NTNG1: variants seen among roughly 807,000 people sequenced by gnomAD.
NTNG1 encodes netrin G1, also known as netrin-G1.
In NTNG1, 16 loss-of-function variants were observed where a neutral mutation model predicts 54.0. That is an observed-to-expected ratio of 0.30 (90% CI 0.20 to 0.45). NTNG1 has a LOEUF of 0.45. NTNG1 is among the 20% of genes least tolerant of loss of function. NTNG1 has a pLI of 1.00. For missense variants in NTNG1, 530 were observed against 678.7 expected, an observed-to-expected ratio of 0.78 and a Z score of 2.43; for synonymous variants, 255 against 263.1, an observed-to-expected ratio of 0.97 and a Z score of 0.30.
intron 2 of NTNG1, among the ~76,000 whole-genome samples, chr1:107,202,750 A>G (rs909907491): frequency 6.6e-6 from 1 of 151,898 alleles, no homozygotes; most frequent in African/African-American, 2.4e-5. Context: ...TATCACCACA[A>G]TCAGAATTCT....
rs1656274321 is a variant in NTNG1 at position 107,171,916 on chromosome 1, G to GT, written c.246+23083dup. ...TTCCCCTTTTTTTTTGTTTTCCTTG[G>GT]TTTTTTATTTTTTATTTTTATTTTT... On this transcript the variant is annotated intron_variant, in intron 2 of 7. Transcript: ENST00000370068. Among the ~76,000 whole-genome samples the GT allele has an allele frequency of 2.6e-5, 4 of 151,796 alleles. No homozygotes were observed. The East Asian group carries it at 7.7e-4, about 29-fold the overall frequency.
At chr1:107,426,591 T>C (rs1674924080) in intron 5 of NTNG1, among the ~76,000 whole-genome samples, 1 of 152,124 alleles carries the variant, frequency 6.6e-6, no homozygotes, top group South Asian at 2.1e-4. Context: ...TAATTTGAAG[T>C]CAGGAAATGT....
chr1:107,258,185 T>A (rs41322155), intron 2 of NTNG1, among the ~76,000 whole-genome samples: 12,358 of 152,068 alleles, frequency 0.081, 588 homozygotes, highest in Middle Eastern at 0.11. Context: ...CTTACTCGGA[T>A]TATTTTTTTT....
chr1:107,238,400 A>G (rs1217037021), intron 2 of NTNG1, among the ~76,000 whole-genome samples: 1 of 152,058 alleles, frequency 6.6e-6, no homozygotes, highest in Non-Finnish European at 1.5e-5. Context: ...TGGACTGTGG[A>G]CTTTTGAGTT....
intron 2 of NTNG1, among the ~76,000 whole-genome samples, chr1:107,228,192 G>C (rs1660815179): frequency 6.6e-6 from 1 of 152,004 alleles, no homozygotes; most frequent in Admixed American, 6.6e-5. Context: ...ATGCTTCCAA[G>C]ACAAAAATAG....
At chr1:107,421,027 G>T in intron 5 of NTNG1, 1 of 1,226,440 alleles carries the variant, frequency 8.2e-7, no homozygotes, top group Non-Finnish European at 1.2e-6. Context: ...AGTTATTACA[G>T]TTTGAACGTT....
chr1:107,226,718 T>TCC (rs946495268), intron 2 of NTNG1, among the ~76,000 whole-genome samples: 3 of 152,124 alleles, frequency 2.0e-5, no homozygotes, highest in African/African-American at 7.2e-5. Flanking sequence ...ACAGAAGGAT[T>TCC]CCCTCAGTTA....
chr1:107,470,277 A>G (rs143321116), intron 7 of NTNG1, among the ~76,000 whole-genome samples: 1 of 152,362 alleles, frequency 6.6e-6, no homozygotes, highest in East Asian at 1.9e-4. Context: ...TTATTATCTA[A>G]GTAAAAGACA....
intron 2 of NTNG1, among the ~76,000 whole-genome samples, chr1:107,250,694 A>T (rs1369188272): frequency 6.6e-6 from 1 of 150,826 alleles, no homozygotes; most frequent in Non-Finnish European, 1.5e-5. Flanking sequence ...TCCTTCAGAG[A>T]TGTGTCCAGA....
At chr1:107,199,781 T>A (rs1658600363) in intron 2 of NTNG1, among the ~76,000 whole-genome samples, 1 of 151,864 alleles carries the variant, frequency 6.6e-6, no homozygotes, top group African/African-American at 2.4e-5. Context: ...CTGGTCCTCT[T>A]AAAGTAAAGT....
At chr1:107,368,136 A>G (rs943257533) in intron 3 of NTNG1, among the ~76,000 whole-genome samples, 27 of 152,008 alleles carry the variant, frequency 1.8e-4, no homozygotes, top group African/African-American at 6.3e-4. Flanking sequence ...TCATGTCCCC[A>G]TTATCTCCAG....
At chr1:107,412,867 ATGCT>A (rs1557978577) in intron 5 of NTNG1, among the ~76,000 whole-genome samples, 1 of 152,186 alleles carries the variant, frequency 6.6e-6, no homozygotes, top group Non-Finnish European at 1.5e-5. Context: ...ATTGTGAAGC[ATGCT>A]TATGCCTACT....
At chr1:107,389,358 A>G (rs980922412) in intron 3 of NTNG1, among the ~76,000 whole-genome samples, 2 of 152,168 alleles carry the variant, frequency 1.3e-5, no homozygotes, top group Non-Finnish European at 2.9e-5. Flanking sequence ...GGCTATATGG[A>G]CCTCGAGCTC....
intron 2 of NTNG1, among the ~76,000 whole-genome samples, chr1:107,269,096 T>C (rs1016091749): frequency 1.3e-5 from 2 of 152,162 alleles, no homozygotes; most frequent in African/African-American, 4.8e-5. Flanking sequence ...ATATCTCTAG[T>C]AAATAAAAGT....
chr1:107,397,232 G>A (rs891427123), intron 4 of NTNG1, among the ~76,000 whole-genome samples: 4 of 152,160 alleles, frequency 2.6e-5, no homozygotes, highest in South Asian at 4.1e-4. Flanking sequence ...AAAATAGGCA[G>A]GTGATGGATG....
chr1:107,416,459 A>G (rs558513564), intron 5 of NTNG1, among the ~76,000 whole-genome samples: 1 of 152,216 alleles, frequency 6.6e-6, no homozygotes, highest in East Asian at 1.9e-4. Context: ...AAGTCCATAC[A>G]GTTCAAGAAG....
At chr1:107,444,752 T>G (rs1676205204) in intron 7 of NTNG1, among the ~76,000 whole-genome samples, 1 of 152,132 alleles carries the variant, frequency 6.6e-6, no homozygotes, top group Non-Finnish European at 1.5e-5. Flanking sequence ...GAAATGCTGG[T>G]GCTCATGGAA....
intron 3 of NTNG1, among the ~76,000 whole-genome samples, chr1:107,390,213 C>T (rs945667977): frequency 1.3e-5 from 2 of 152,150 alleles, no homozygotes; most frequent in African/African-American, 2.4e-5. Context: ...GTTACACTGA[C>T]TAAGCAAAGA....
intron 2 of NTNG1, among the ~76,000 whole-genome samples, chr1:107,214,388 A>C (rs769088028): frequency 3.9e-5 from 6 of 152,100 alleles, no homozygotes; most frequent in Non-Finnish European, 7.4e-5. Flanking sequence ...TCCATTCCTG[A>C]GTTGCTTCAC....
Sources: gnomAD v4.1 joint callset for allele counts (sites outside exome capture counted in the v4.1 genomes callset) on GRCh38, gnomAD v4.1.1 for gene constraint, MANE v1.5 for transcripts, NCBI Gene and HGNC (gene_info 2026-07-23, HGNC 2026-07-21) for gene names.